Variants in METAP1D observed in about 807,000 individuals in gnomAD.
METAP1D encodes methionyl aminopeptidase type 1D, mitochondrial.
A neutral mutation model predicts 40.5 loss-of-function variants in METAP1D; 31 were observed. The observed-to-expected ratio is 0.77, with a 90% CI of 0.58 to 1.03. The LOEUF (loss-of-function observed/expected upper bound fraction) is 1.03. METAP1D is among the 50% of genes least tolerant of loss of function. The probability of loss-of-function intolerance (pLI) is 0.00; values close to 1 mark genes in which losing one functional copy is unlikely to be tolerated. For synonymous variants in METAP1D, 151 were observed against 146.4 expected (o/e 1.03, Z -0.22); for missense variants, 411 against 420.7 (o/e 0.98, Z 0.20).
chr2:172,016,102 A>C (rs1688845387), intron 1 of METAP1D, among the ~76,000 whole-genome samples: 2 of 147,124 alleles, frequency 1.4e-5, no homozygotes, highest in African/African-American at 5.0e-5. Flanking sequence ...ATCAAAAAAA[A>C]AAAAACAAAA....
chr2:172,066,902 C>A (rs867578320), intron 5 of METAP1D, among the ~76,000 whole-genome samples: 2 of 152,320 alleles, frequency 1.3e-5, no homozygotes, highest in Middle Eastern at 3.4e-3. Flanking sequence ...GAGCCTTGTG[C>A]TCAAAGTAAG....
chr2:172,080,040 G>T (rs1380984097), intron 8 of METAP1D, 88 bp from the exon 9 acceptor site: 2 of 1,236,522 alleles, frequency 1.6e-6, no homozygotes, highest in South Asian at 1.4e-5. Context: ...GGAGGGAGGA[G>T]AAACTTCTCT....
At chr2:172,021,357 C>G (rs945841781) in intron 1 of METAP1D, among the ~76,000 whole-genome samples, 1 of 152,168 alleles carries the variant, frequency 6.6e-6, no homozygotes, top group Non-Finnish European at 1.5e-5. Context: ...TCTTTACTCT[C>G]AAATAACTTA....
At chr2:172,007,207 T>C (rs1688607675) in intron 1 of METAP1D, among the ~76,000 whole-genome samples, 1 of 150,614 alleles carries the variant, frequency 6.6e-6, no homozygotes, top group African/African-American at 2.4e-5. Flanking sequence ...CCTTGTTCTG[T>C]CACCCAGGCT....
At chr2:172,011,863 C>T (rs1381258345) in intron 1 of METAP1D, among the ~76,000 whole-genome samples, 4 of 152,064 alleles carry the variant, frequency 2.6e-5, no homozygotes, top group Admixed American at 6.6e-5. Context: ...TGTTTTTCTG[C>T]GGACATATAT....
intron 1 of METAP1D, among the ~76,000 whole-genome samples, chr2:172,055,106 A>G (rs1689972820): frequency 6.6e-6 from 1 of 152,198 alleles, no homozygotes; most frequent in Admixed American, 6.5e-5. Flanking sequence ...AAAACATCAG[A>G]TTAGTCCACT....
chr2:172,023,387 C>G (rs892899961), intron 1 of METAP1D, among the ~76,000 whole-genome samples: 4 of 152,154 alleles, frequency 2.6e-5, no homozygotes, highest in Non-Finnish European at 5.9e-5. Context: ...TAAGTTACCC[C>G]ACTTGAGGAT....
At chr2:172,010,753 T>G (rs1398581238) in intron 1 of METAP1D, among the ~76,000 whole-genome samples, 1 of 149,382 alleles carries the variant, frequency 6.7e-6, no homozygotes, top group South Asian at 2.1e-4. Flanking sequence ...CCAATGTTTT[T>G]TTTTTTTTTT....
At chr2:172,005,332 T>C (rs1002170710) in intron 1 of METAP1D, among the ~76,000 whole-genome samples, 1 of 151,752 alleles carries the variant, frequency 6.6e-6, no homozygotes, top group Non-Finnish European at 1.5e-5. Context: ...GAGTTCATTA[T>C]ATTGCTCTGT....
rs2105509605 is a variant in METAP1D at position 172,080,852 on chromosome 2, G to GAA, written c.*447_*448insAA. ...GTCTGCCGAAAAATCCGAACCTGTT[G>GAA]ACTGGGATTTTTAAGAATCCGTTTC... On this transcript the variant is annotated 3_prime_UTR_variant, in exon 10 of 10. Transcript: ENST00000315796. 6.8e-5 allele frequency: 13 copies of GAA among 190,142 alleles called. No individual in the cohort carries two copies. In the South Asian group the frequency reaches 1.3e-3, roughly 19 times the overall value. The allele number at this position is 190,142 out of a possible 1,614,324, so 11.8% of individuals were successfully genotyped here.
At chr2:172,065,493 C>T in intron 3 of METAP1D, 111 bp from the exon 4 acceptor site, 1 of 1,038,940 alleles carries the variant, frequency 9.6e-7, no homozygotes, top group Non-Finnish European at 1.4e-6. Flanking sequence ...ATAACTTTAT[C>T]ATAGTAAATT....
At chr2:172,033,066 A>G (rs1423921125) in intron 1 of METAP1D, among the ~76,000 whole-genome samples, 1 of 151,820 alleles carries the variant, frequency 6.6e-6, no homozygotes, top group Non-Finnish European at 1.5e-5. Context: ...CTCTAAATAA[A>G]TAAATAAATA....
chr2:172,026,737 G>C (rs568322305), intron 1 of METAP1D, among the ~76,000 whole-genome samples: 5 of 152,264 alleles, frequency 3.3e-5, no homozygotes, highest in African/African-American at 1.2e-4. Flanking sequence ...GACATGTTAA[G>C]ATGAATGGAT....
intron 1 of METAP1D, among the ~76,000 whole-genome samples, chr2:172,004,330 T>C (rs992378805): frequency 1.3e-5 from 2 of 152,022 alleles, no homozygotes; most frequent in South Asian, 2.1e-4. Flanking sequence ...CTTTTCTTTT[T>C]TTTTTTAAAT....
chr2:172,019,027 G>A (rs534649767), intron 1 of METAP1D, among the ~76,000 whole-genome samples: 119 of 152,128 alleles, frequency 7.8e-4, no homozygotes, highest in Middle Eastern at 3.4e-3. Flanking sequence ...ATCTGAGAAC[G>A]CCTCTAATAT....
In METAP1D at chr2:172,080,281, G is replaced by A. The variant is rs1004664636; in HGVS notation, c.930-47G>A. 2.5e-6 allele frequency: 4 copies of A among 1,613,868 alleles called. No homozygotes were observed. The African/African-American group carries it at 5.3e-5, about 22-fold the overall frequency. On this transcript the variant is annotated intron_variant, in intron 9 of 9. Transcript: ENST00000315796. ...TGGTCCGACGGCGCGCTTGTGGCCC[G>A]GCCGGAGCTTGCGTGCGCGTTCTGA...
At chr2:172,060,416 C>CAAAAAAAA (rs757713609) in intron 1 of METAP1D, among the ~76,000 whole-genome samples, 1 of 60,770 alleles carries the variant, frequency 1.6e-5, no homozygotes, top group East Asian at 3.4e-4. Context: ...GACCCTGTCT[C>CAAAAAAAA]AAAAAAAAAA....
At chr2:172,026,848 C>A (rs1042229133) in intron 1 of METAP1D, among the ~76,000 whole-genome samples, 2 of 152,182 alleles carry the variant, frequency 1.3e-5, no homozygotes, top group African/African-American at 4.8e-5. Context: ...TCTGTACCAA[C>A]ATCCTATCCA....
At chr2:172,052,587 A>G (rs1208784824) in intron 1 of METAP1D, among the ~76,000 whole-genome samples, 1 of 152,242 alleles carries the variant, frequency 6.6e-6, no homozygotes, top group African/African-American at 2.4e-5. Flanking sequence ...CTTCCCAGGC[A>G]TGTCCATGGG....
Sources: gnomAD v4.1 joint callset for allele counts (sites outside exome capture counted in the v4.1 genomes callset) on GRCh38, gnomAD v4.1.1 for gene constraint, MANE v1.5 for transcripts, NCBI Gene and HGNC (gene_info 2026-07-23, HGNC 2026-07-21) for gene names.